Variants in ADAMTS18 observed in about 807,000 individuals in gnomAD.
The protein encoded by ADAMTS18 is ADAM metallopeptidase with thrombospondin type 1 motif 18, also known as A disintegrin and metalloproteinase with thrombospondin motifs 18.
ADAMTS18 carries 157 observed loss-of-function variants against 165.9 expected under a neutral mutation model. The observed-to-expected ratio is 0.95, with a 90% confidence interval of 0.83 to 1.08. The LOEUF is 1.08. Among genes scored for constraint, ADAMTS18 ranks in the 50% least tolerant of loss-of-function variants. ADAMTS18 has a pLI of 0.00. For synonymous variants in ADAMTS18, 782 were observed against 578.2 expected (o/e 1.35, Z -5.06); for missense variants, 2,040 against 1,534.0 (o/e 1.33, Z -5.51).
intron 11 of ADAMTS18, among the ~76,000 whole-genome samples, chr16:77,337,777 T>C (rs1446680474): frequency 2.0e-5 from 3 of 152,188 alleles, no homozygotes; most frequent in Non-Finnish European, 4.4e-5. Context: ...TTAATCAGTG[T>C]AGAAATCAGG....
chr16:77,402,098 G>A (rs1377859090), intron 3 of ADAMTS18, among the ~76,000 whole-genome samples: 1 of 152,160 alleles, frequency 6.6e-6, no homozygotes, highest in Non-Finnish European at 1.5e-5. Context: ...AAGTTCCCTA[G>A]CTACCTACCT....
intron 22 of ADAMTS18, 99 bp downstream of exon 22, chr16:77,289,165 A>G: frequency 1.4e-6 from 2 of 1,466,726 alleles, no homozygotes; most frequent in African/African-American, 1.4e-5. Flanking sequence ...GGCTTACCCT[A>G]GAGTTGTACA....
At chr16:77,304,286 C>G (rs536374492) in intron 16 of ADAMTS18, among the ~76,000 whole-genome samples, 3 of 152,060 alleles carry the variant, frequency 2.0e-5, no homozygotes, top group Non-Finnish European at 4.4e-5. Context: ...CAGCAAGACC[C>G]CATTTCTAAA....
chr16:77,415,382 G>T lies in ADAMTS18; in HGVS notation c.495+15913C>A, dbSNP rs146214703. Among the ~76,000 whole-genome samples, 17 of 152,274 alleles carry T rather than the reference G, an allele frequency of 1.1e-4. No individual in the cohort carries two copies. The East Asian group carries it at 3.1e-3, about 28-fold the overall frequency. ...AAAGTGGAGAGGGGTTTATGCATAAGATACCCACAGTACTTTAATTTCAGG... is the reference window on the plus strand; with the variant it reads ...AAAGTGGAGAGGGGTTTATGCATAATATACCCACAGTACTTTAATTTCAGG... On this transcript the variant is annotated intron_variant, in intron 3 of 22. Coordinates refer to ENST00000282849, the MANE Select transcript of ADAMTS18 (RefSeq NM_199355.4).
chr16:77,326,001 G>C lies in ADAMTS18; in HGVS notation c.1897C>G (p.Arg633Gly). The change falls in exon 13 of 23, where the codon CGT (arginine) becomes GGT (glycine). Residue 633 changes from arginine to glycine, a missense_variant. Arg to Gly is a moderately radical substitution (Grantham distance 125). Coordinates refer to ENST00000282849, the MANE Select transcript of ADAMTS18 (RefSeq NM_199355.4). ...TTAATATTGCACAGCTGATAAATAC[G>C]GCTAGAACCTGGACAGAATAAGCCA... ...YGGLFCPGSS[R>G]IYQLCNINPC... 6.2e-7 allele frequency: 1 copy of C among 1,613,940 alleles called. No individual in the cohort carries two copies. The highest frequency in any genetic ancestry group is 8.5e-7 in the Non-Finnish European group (1 of 1,179,944).
At chr16:77,321,001 C>A in intron 15 of ADAMTS18, 78 bp downstream of exon 15, 1 of 1,579,832 alleles carries the variant, frequency 6.3e-7, no homozygotes, top group South Asian at 1.1e-5. Flanking sequence ...AAGGCTCAAC[C>A]ACATTTGGCG....
At chr16:77,349,742 C>G (rs58206815) in intron 10 of ADAMTS18, among the ~76,000 whole-genome samples, 1 of 152,172 alleles carries the variant, frequency 6.6e-6, no homozygotes, top group Non-Finnish European at 1.5e-5. Flanking sequence ...TCCTAAAATG[C>G]TTGAGACTTG....
intron 3 of ADAMTS18, among the ~76,000 whole-genome samples, chr16:77,372,108 C>T (rs966891974): frequency 1.3e-5 from 2 of 152,052 alleles, no homozygotes; most frequent in African/African-American, 2.4e-5. Context: ...ACTATTATCA[C>T]AATGACAATA....
intron 17 of ADAMTS18, chr16:77,300,053 G>C: frequency 1.8e-6 from 1 of 555,512 alleles, no homozygotes; most frequent in Non-Finnish European, 3.2e-6. Flanking sequence ...AGCCTTGGTT[G>C]TGGTTGATTT....
chr16:77,335,329 C>T (rs1455826809), intron 12 of ADAMTS18, among the ~76,000 whole-genome samples: 3 of 147,984 alleles, frequency 2.0e-5, no homozygotes, highest in Non-Finnish European at 3.0e-5. Context: ...ATTGACAGAG[C>T]TGGGAAGGGT....
At chr16:77,344,676 T>C (rs1467296658) in intron 10 of ADAMTS18, among the ~76,000 whole-genome samples, 1 of 151,530 alleles carries the variant, frequency 6.6e-6, no homozygotes, top group Non-Finnish European at 1.5e-5. Context: ...CTAGCTGTCG[T>C]AGCCAATGCC....
chr16:77,404,819 T>C (rs940469628), intron 3 of ADAMTS18, among the ~76,000 whole-genome samples: 3 of 152,158 alleles, frequency 2.0e-5, no homozygotes, highest in African/African-American at 7.2e-5. Context: ...GTTCCTTATC[T>C]ACTAGGAAGA....
rs977259743 is a variant in ADAMTS18, at chr16:77,399,366, C to G, written c.496-31643G>C. 2.6e-5 allele frequency among the ~76,000 whole-genome samples: 4 copies of G among 152,184 alleles called. No homozygotes were observed. The East Asian group carries it at 7.7e-4, about 29-fold the overall frequency. On this transcript the variant is annotated intron_variant, in intron 3 of 22. Coordinates refer to ENST00000282849, the MANE Select transcript of ADAMTS18 (RefSeq NM_199355.4). ...TTCTGACATCACTTAGCACCTCAAT[C>G]CCCCAGAGTTAGAACTAGACACTTC...
At chr16:77,317,169 C>A (rs937222009) in intron 16 of ADAMTS18, among the ~76,000 whole-genome samples, 3 of 152,106 alleles carry the variant, frequency 2.0e-5, no homozygotes, top group Admixed American at 2.0e-4. Flanking sequence ...CATCTGCCTT[C>A]ATTTATATAT....
chr16:77,318,589 T>A (rs768456170), intron 16 of ADAMTS18, among the ~76,000 whole-genome samples: 1 of 152,178 alleles, frequency 6.6e-6, no homozygotes, highest in Non-Finnish European at 1.5e-5. Flanking sequence ...ACAGTCATGA[T>A]AACAACGATA....
In ADAMTS18 at chr16:77,334,747, TGTATACTATA is replaced by T. The variant is rs1252968531; in HGVS notation, c.1859+999_1859+1008del. ...CTACTATATACTATAGTATATATACTGTATACTATAGTATACAGTATATATACTATAGTAT... is the reference window on the plus strand; with the variant it reads ...CTACTATATACTATAGTATATATACTGTATACAGTATATATACTATAGTAT... On this transcript the variant is annotated intron_variant, in intron 12 of 22. Transcript: ENST00000282849. Among the ~76,000 whole-genome samples, 101 of 116,816 alleles carry T rather than the reference TGTATACTATA, an allele frequency of 8.6e-4. 4 individuals are homozygous for T. Among genetic ancestry groups the T allele is most frequent in the African/African-American group, 3.1e-3 (95 of 30,888 alleles). The allele number at this position is 116,816 out of a possible 152,430, so 76.6% of individuals were successfully genotyped here.
In ADAMTS18 at chr16:77,434,687, G is replaced by A; in HGVS notation, c.9C>T (p.Cys3=). The A allele has an allele frequency of 2.0e-6, 3 of 1,474,984 alleles. No homozygotes were observed. The highest frequency in any genetic ancestry group is 2.7e-6 in the Non-Finnish European group (3 of 1,119,444). The allele number at this position is 1,474,984 out of a possible 1,614,324, so 91.4% of individuals were successfully genotyped here. A position where few individuals can be genotyped will look rare whatever the true frequency, so the allele number is the denominator to read the frequency against. ...GGAAGGCACACGCGAGCAGGAGGGCGCACTCCATGGTCAGGTGCGGACGCG... is the reference window on the plus strand; with the variant it reads ...GGAAGGCACACGCGAGCAGGAGGGCACACTCCATGGTCAGGTGCGGACGCG... The part of the protein sequence containing the change: ME[C]ALLLACAFPA... Residue 3 remains cysteine, a synonymous_variant, in exon 1 of 23, where the codon TGC becomes TGT. Coordinates refer to ENST00000282849, the MANE Select transcript of ADAMTS18 (RefSeq NM_199355.4).
intron 3 of ADAMTS18, among the ~76,000 whole-genome samples, chr16:77,423,510 G>C (rs890457476): frequency 6.6e-6 from 1 of 151,888 alleles, no homozygotes; most frequent in Non-Finnish European, 1.5e-5. Flanking sequence ...TTTCAATTAA[G>C]CATCCATAGC....
At chr16:77,314,146 G>A (rs1406411980) in intron 16 of ADAMTS18, among the ~76,000 whole-genome samples, 1 of 152,136 alleles carries the variant, frequency 6.6e-6, no homozygotes, top group Non-Finnish European at 1.5e-5. Flanking sequence ...CCACCAAACA[G>A]ATGGACTGAT....
Sources: allele counts gnomAD v4.1 joint callset (sites outside exome capture counted in the v4.1 genomes callset), GRCh38; gene constraint gnomAD v4.1.1; transcripts MANE v1.5; gene names NCBI Gene and HGNC (gene_info 2026-07-23, HGNC 2026-07-21).